Variants in VPS13B observed in about 807,000 individuals in gnomAD.
The protein encoded by VPS13B is vacuolar protein sorting 13 homolog B, also known as intermembrane lipid transfer protein VPS13B.
Under a neutral mutation model 426.4 loss-of-function variants are expected in VPS13B, and 285 were observed. The ratio of observed to expected loss-of-function variants is 0.67; its 90% CI spans 0.61 to 0.74. The LOEUF (loss-of-function observed/expected upper bound fraction) is 0.74. Ranked by LOEUF, VPS13B falls within the 30% of genes least tolerant of loss-of-function variation. The pLI is 0.00. For synonymous variants in VPS13B, 1,676 were observed against 1,676.4 expected (o/e 1.00, Z 0.01); for missense variants, 4,537 against 4,782.6 (o/e 0.95, Z 1.51).
intron 35 of VPS13B, among the ~76,000 whole-genome samples, chr8:99,666,667 T>C (rs1387123523): frequency 6.6e-6 from 1 of 152,098 alleles, no homozygotes; most frequent in Non-Finnish European, 1.5e-5. Context: ...CTCAAAATAA[T>C]AAGAGCTATC....
chr8:99,442,513 C>G lies in VPS13B; in HGVS notation c.3323C>G (p.Thr1108Ser), dbSNP rs575233327. The stretch of plus-strand genomic sequence containing the variant: ...GTAAGAAGTTGGTACCATGGACAAA[C>G]CAGCATGCCGGGAACACTTGTCCTC... Reference protein sequence around the residue: ...GTVRSWYHGQTSMPGTLVLCL... With the variant: ...GTVRSWYHGQSSMPGTLVLCL... The change falls in exon 23 of 62, where the codon ACC becomes AGC. Residue 1108 changes from threonine to serine, a missense_variant. Thr to Ser is a moderately conservative substitution (Grantham distance 58). Transcript: ENST00000357162. 6.2e-7 allele frequency: 1 copy of G among 1,613,964 alleles called. No homozygotes were observed. The highest frequency in any genetic ancestry group is 1.7e-5 in the Admixed American group (1 of 59,990).
intron 17 of VPS13B, among the ~76,000 whole-genome samples, chr8:99,210,546 T>C (rs1815022306): frequency 6.6e-6 from 1 of 152,154 alleles, no homozygotes; most frequent in African/African-American, 2.4e-5. Context: ...GAAACTATAT[T>C]TGAAAGCTGA....
rs1423902507 is a variant in VPS13B, at chr8:99,463,737, G to A, written c.3446-3677G>A. Among the ~76,000 whole-genome samples the A allele has an allele frequency of 4.6e-5, 7 of 152,104 alleles. No individual in the cohort carries two copies. The East Asian group carries it at 1.3e-3, about 29-fold the overall frequency. ...GATGGAGTTTCGCTCTTGTTGCCCA[G>A]GCTGGAGTGCAGTGGCATGATCTCG... On this transcript the variant is annotated intron_variant, in intron 23 of 61. Transcript: ENST00000357162.
At chr8:99,305,904 G>T (rs1162853664) in intron 19 of VPS13B, among the ~76,000 whole-genome samples, 1 of 151,994 alleles carries the variant, frequency 6.6e-6, no homozygotes, top group African/African-American at 2.4e-5. Flanking sequence ...TAACTATTTG[G>T]TCTTGTCTGC....
At chr8:99,028,853 CTTAAGTTAGCGCTTATGGGGGCTGA>C (rs1244523079) in intron 2 of VPS13B, among the ~76,000 whole-genome samples, 7 of 178 alleles carry the variant, frequency 0.039, no homozygotes, top group African/African-American at 0.094. Flanking sequence ...GGGCTGACCC[CTTAAGTTAGCGCTTATGGGGGCTGA>C]CCCCCCCCAC....
chr8:99,108,151 T>C (rs530405025), intron 5 of VPS13B, among the ~76,000 whole-genome samples: 1 of 152,344 alleles, frequency 6.6e-6, no homozygotes, highest in East Asian at 1.9e-4. Context: ...TCCAGCTCTA[T>C]CCATATTGCT....
chr8:99,511,198 T>C lies in VPS13B; in HGVS notation c.4319T>C (p.Leu1440Ser). 6.2e-7 allele frequency: 1 copy of C among 1,614,102 alleles called. No individual in the cohort carries two copies. Among genetic ancestry groups the C allele is most frequent in the Non-Finnish European group, 8.5e-7 (1 of 1,180,000 alleles). The part of the protein sequence containing the change: ...KAVTKNVRHK[L>S]TSRNERRSFH... ...GTAACAAAAAATGTCCGCCACAAGT[T>C]AACATCAAGAAATGAGCGAAGAAGT... Residue 1440 changes from leucine to serine, a missense_variant, in exon 29 of 62, where the codon TTA becomes TCA. Leu to Ser is a moderately radical substitution (Grantham distance 145, BLOSUM62 -2). Transcript: ENST00000357162.
At chr8:99,710,199 G>C (rs1832654265) in intron 36 of VPS13B, among the ~76,000 whole-genome samples, 1 of 151,924 alleles carries the variant, frequency 6.6e-6, no homozygotes, top group African/African-American at 2.4e-5. Flanking sequence ...ATAAACATTT[G>C]TCTTATTTGT....
chr8:99,325,135 A>T (rs1163290100), intron 19 of VPS13B, among the ~76,000 whole-genome samples: 2 of 152,168 alleles, frequency 1.3e-5, no homozygotes, highest in South Asian at 4.1e-4. Flanking sequence ...TAAGAAAAAA[A>T]ATACAAAGTT....
chr8:99,145,407 C>T (rs1030611234), intron 13 of VPS13B, among the ~76,000 whole-genome samples: 1 of 152,018 alleles, frequency 6.6e-6, no homozygotes, highest in African/African-American at 2.4e-5. Context: ...GTTCCAATAC[C>T]ACAAGGATCT....
chr8:99,223,483 G>A (rs1218219841), intron 17 of VPS13B, among the ~76,000 whole-genome samples: 1 of 152,060 alleles, frequency 6.6e-6, no homozygotes, highest in Non-Finnish European at 1.5e-5. Context: ...ATGAGAATAC[G>A]AGACATTAGC....
chr8:99,704,683 C>T (rs1428050538), intron 36 of VPS13B, among the ~76,000 whole-genome samples: 1 of 152,096 alleles, frequency 6.6e-6, no homozygotes, highest in Non-Finnish European at 1.5e-5. Context: ...AGCTTGTAGA[C>T]AGCTATACAA....
intron 17 of VPS13B, among the ~76,000 whole-genome samples, chr8:99,216,924 G>A (rs1313418506): frequency 6.6e-6 from 1 of 151,998 alleles, no homozygotes. Flanking sequence ...AGGCGTTGAT[G>A]TTTTACCTTA....
rs773937982 is a variant in VPS13B, at chr8:99,511,228, A to G, written c.4349A>G (p.His1450Arg). 4.3e-6 allele frequency: 7 copies of G among 1,614,014 alleles called. No homozygotes were observed. In the Admixed American group the frequency reaches 5.0e-5, roughly 12 times the overall value. ...TCAAGAAATGAGCGAAGAAGTTTTC[A>G]TAAGTTATCTGAAGGCCTAATGGAT... Reference protein sequence around the residue: ...LTSRNERRSFHKLSEGLMDGS... With the variant: ...LTSRNERRSFRKLSEGLMDGS... The change falls in exon 29 of 62, where the codon CAT becomes CGT. Residue 1450 changes from histidine (H) to arginine (R), a missense_variant. Transcript: ENST00000357162.
At position 99,778,771 on chromosome 8, in the gene VPS13B, A is replaced by T. The variant is rs1467331063; in HGVS notation, c.7519A>T (p.Met2507Leu). The change falls in exon 42 of 62, where the codon ATG (methionine) becomes TTG (leucine). Residue 2507 changes from methionine (M) to leucine (L), a missense_variant. Met to Leu is a conservative substitution (Grantham distance 15). Transcript: ENST00000357162. Reference sequence around the variant, plus strand: ...GATTGTTTCCTTCAGAGAACCACACATGTATCTTCGACAGTGGAATAATGG... The same window carrying T: ...GATTGTTTCCTTCAGAGAACCACACTTGTATCTTCGACAGTGGAATAATGG... ...YMIVSFREPH[M>L]YLRQWNNGSV... The T allele has an allele frequency of 6.2e-7, 1 of 1,613,972 alleles. No individual in the cohort carries two copies. Among genetic ancestry groups the T allele is most frequent in the Non-Finnish European group, 8.5e-7 (1 of 1,179,902 alleles).
At chr8:99,288,494 A>G (rs938418494) in intron 19 of VPS13B, among the ~76,000 whole-genome samples, 2 of 151,984 alleles carry the variant, frequency 1.3e-5, no homozygotes. Context: ...AATGAAATAC[A>G]ATTTCATTTT....
chr8:99,035,974 T>G (rs1356849352), intron 2 of VPS13B, among the ~76,000 whole-genome samples: 3 of 152,176 alleles, frequency 2.0e-5, no homozygotes, highest in African/African-American at 7.2e-5. Flanking sequence ...CTTCAATTCC[T>G]TTGTCCATTT....
intron 19 of VPS13B, among the ~76,000 whole-genome samples, chr8:99,366,301 A>G (rs1812885789): frequency 6.6e-6 from 1 of 152,116 alleles, no homozygotes; most frequent in African/African-American, 2.4e-5. Flanking sequence ...ATTTACAATT[A>G]TATCCCCTTC....
Position 99,391,671 on chromosome 8 carries a change from G to T in VPS13B, c.3049G>T (p.Ala1017Ser). 6.2e-7 allele frequency: 1 copy of T among 1,614,058 alleles called. No homozygotes were observed. The highest frequency in any genetic ancestry group is 8.5e-7 in the Non-Finnish European group (1 of 1,179,930). ...GCAATCATATCAGGCCTCTGAATAT[G>T]CCAGCAGCCCTGTAAAAACAAAAAC... ...KQQSYQASEY[A>S]SSPVKTKTVT... Residue 1017 changes from alanine (A) to serine (S), a missense_variant, in exon 21 of 62, where the codon GCC becomes TCC. Around this residue, in one of 2 missense-constraint regions of VPS13B, gnomAD observed 4,311 missense variants for 4,474.3 expected, o/e 0.96. Transcript: ENST00000357162.
Sources: gnomAD v4.1 joint callset for allele counts (sites outside exome capture counted in the v4.1 genomes callset) on GRCh38, gnomAD v4.1.1 for gene constraint, gnomAD v4.1.1 regional missense constraint, MANE v1.5 for transcripts, NCBI Gene and HGNC (gene_info 2026-07-23, HGNC 2026-07-21) for gene names.